Variants in GRIN1 observed in about 807,000 individuals in gnomAD.
GRIN1 encodes the protein glutamate ionotropic receptor NMDA type subunit 1.
A neutral mutation model predicts 103.0 loss-of-function variants in GRIN1; 38 were observed. That is an observed-to-expected ratio of 0.37 (90% confidence interval 0.28 to 0.48). The LOEUF (loss-of-function observed/expected upper bound fraction) is 0.48. Among genes scored for constraint, GRIN1 ranks in the 20% least tolerant of loss-of-function variants. The pLI is 0.98. For synonymous variants in GRIN1, 544 were observed against 532.7 expected, an observed-to-expected ratio of 1.02 and a Z score of -0.29; for missense variants, 577 against 1,288.9, an observed-to-expected ratio of 0.45 and a Z score of 8.46.
chr9:137,142,444 GCACACATCACACACTCACACATCACA>G (rs950724634), intron 2 of GRIN1, among the ~76,000 whole-genome samples: 2 of 152,148 alleles, frequency 1.3e-5, no homozygotes, highest in East Asian at 1.9e-4. Context: ...AAGGGAGGGG[GCACACATCACACACTCACACATCACA>G]CACACATCAC....
chr9:137,145,949 G>T, intron 3 of GRIN1, 47 bp downstream of exon 3: 1 of 1,400,932 alleles, frequency 7.1e-7, no homozygotes, highest in Non-Finnish European at 9.9e-7. Flanking sequence ...CCGAGGTGCA[G>T]GACGGGCCGC....
Position 137,161,524 on chromosome 9 carries a change from G to C in GRIN1, c.1467+108G>C, listed in dbSNP as rs1428072277. 4 of 1,082,062 alleles carry C rather than the reference G, an allele frequency of 3.7e-6. No individual in the cohort carries two copies. The African/African-American group carries it at 6.2e-5, about 17-fold the overall frequency. 67.0% of individuals were successfully genotyped at this position (1,082,062 alleles called of 1,614,324 possible). A position where few individuals can be genotyped will look rare whatever the true frequency, so the allele number is the denominator to read the frequency against. ...GGCTTGCAGATGGTGGGGGGTCCTG[G>C]GGTGAGTGGGGCATGGAGTGAGCGG... On this transcript the variant is annotated intron_variant, in intron 10 of 19. Coordinates refer to ENST00000371561, the MANE Select transcript of GRIN1 (RefSeq NM_007327.4).
intron 4 of GRIN1, among the ~76,000 whole-genome samples, chr9:137,155,627 T>G (rs868604778): frequency 2.0e-5 from 3 of 152,188 alleles, no homozygotes; most frequent in African/African-American, 7.2e-5. Flanking sequence ...CAGGCCCACC[T>G]GGAGACAGGT....
At chr9:137,158,139 C>T (rs1833339946) in intron 6 of GRIN1, among the ~76,000 whole-genome samples, 1 of 152,250 alleles carries the variant, frequency 6.6e-6, no homozygotes, top group Admixed American at 6.5e-5. Flanking sequence ...ACTCAGCTGT[C>T]ATGAACCACA....
intron 6 of GRIN1, among the ~76,000 whole-genome samples, chr9:137,157,343 T>TC (rs1193580658): frequency 2.6e-5 from 4 of 151,692 alleles, no homozygotes; most frequent in Admixed American, 6.6e-5. Context: ...TTCTCTCCTC[T>TC]CCCCCCACAC....
In GRIN1 at chr9:137,139,671, C is replaced by T; in HGVS notation, c.185C>T (p.Ala62Val). 6.2e-7 allele frequency: 1 copy of T among 1,613,740 alleles called. No individual in the cohort carries two copies. The highest frequency in any genetic ancestry group is 8.5e-7 in the Non-Finnish European group (1 of 1,179,786). ...RHGSWKIQLN[A>V]TSVTHKPNAI... ...GGCTCCTGGAAGATTCAGCTCAATG[C>T]CACCTCCGTCACGCACAAGCCCAAC... Residue 62 changes from alanine to valine, a missense_variant, in exon 1 of 20, where the codon GCC (alanine) becomes GTC (valine). This residue lies in a region of GRIN1 where 308 missense variants were observed against 553.6 expected (regional missense o/e 0.56). Transcript: ENST00000371561. This position sits in a 1 kb window ranked among gnomAD's most constrained non-coding sequence, Gnocchi z 7.7.
At position 137,156,563 on chromosome 9, in the gene GRIN1, A is replaced by C. The variant is rs28507734; in HGVS notation, c.672-106A>C. 436,709 of 1,480,286 alleles carry C rather than the reference A, an allele frequency of 0.3. 69,914 individuals are homozygous for C. The highest frequency in any genetic ancestry group is 0.33 in the Non-Finnish European group (358,903 of 1,095,530). The allele number at this position is 1,480,286 out of a possible 1,614,324, so 91.7% of individuals were successfully genotyped here. On this transcript the variant is annotated intron_variant, in intron 4 of 19. Transcript: ENST00000371561. ...TCTGCAGGCTTCGCTCTAGGAGGGG[A>C]TGGGGGCTGGGCAGGTCCCTGCTCC...
chr9:137,146,304 G>A lies in GRIN1; in HGVS notation c.570+402G>A, dbSNP rs116662485. Among the ~76,000 whole-genome samples, 848 of 134,730 alleles carry A rather than the reference G, an allele frequency of 6.3e-3. 7 individuals are homozygous for A. The highest frequency in any genetic ancestry group is 0.022 in the African/African-American group (808 of 36,472). 88.4% of individuals were successfully genotyped at this position (134,730 alleles called of 152,430 possible). On this transcript the variant is annotated intron_variant, in intron 3 of 19. Coordinates refer to ENST00000371561, the MANE Select transcript of GRIN1 (RefSeq NM_007327.4). This position sits in a 1 kb window ranked among gnomAD's most constrained non-coding sequence, Gnocchi z 6.7. ...TCTGGGCAAGGTCTCCCCTGTACAC[G>A]ACCCCCACATACCGCCCCTGCAGGC...
chr9:137,150,335 G>C (rs1414615925), intron 4 of GRIN1, among the ~76,000 whole-genome samples: 2 of 147,810 alleles, frequency 1.4e-5, no homozygotes, highest in African/African-American at 5.0e-5. Context: ...CAGAAAAAAA[G>C]ACCCGCCAAG....
At chr9:137,160,682 G>A (rs1000676809) in intron 8 of GRIN1, among the ~76,000 whole-genome samples, 2 of 152,154 alleles carry the variant, frequency 1.3e-5, no homozygotes, top group South Asian at 2.1e-4. Flanking sequence ...CGGCCGCCTC[G>A]GCCTCCCAAA....
At chr9:137,147,759 G>A (rs1033925024) in intron 3 of GRIN1, among the ~76,000 whole-genome samples, 3 of 152,204 alleles carry the variant, frequency 2.0e-5, no homozygotes, top group African/African-American at 7.2e-5. Flanking sequence ...GACAGGCCCC[G>A]GGGGGGCTGC....
chr9:137,139,457 C>A lies in GRIN1; in HGVS notation c.-30C>A. 6.8e-7 allele frequency: 1 copy of A among 1,478,610 alleles called. No homozygotes were observed. The highest frequency in any genetic ancestry group is 9.0e-7 in the Non-Finnish European group (1 of 1,115,500). The allele number at this position is 1,478,610 out of a possible 1,614,324, so 91.6% of individuals were successfully genotyped here. On this transcript the variant is annotated 5_prime_UTR_variant, in exon 1 of 20. Coordinates refer to ENST00000371561, the MANE Select transcript of GRIN1 (RefSeq NM_007327.4). The surrounding 1 kb of genome is among the most constrained non-coding windows in gnomAD (Gnocchi z 7.7). ...TGCGCCGAGGGCCCCGCGTTCGCGC[C>A]GCGCAGAGCCAGGCCCGCGGCCCGA...
chr9:137,154,122 CT>C (rs1237607274), intron 4 of GRIN1, among the ~76,000 whole-genome samples: 2 of 129,714 alleles, frequency 1.5e-5, no homozygotes, highest in Non-Finnish European at 3.3e-5. Context: ...TTTTTTTTTT[CT>C]TTTTTTTTTG....
chr9:137,149,012 G>A lies in GRIN1; in HGVS notation c.574G>A (p.Glu192Lys). 1 of 1,610,824 alleles carries A rather than the reference G, an allele frequency of 6.2e-7. No homozygotes were observed. The highest frequency in any genetic ancestry group is 8.5e-7 in the Non-Finnish European group (1 of 1,177,620). The change falls in exon 4 of 20, where the codon GAG becomes AAG. Residue 192 changes from glutamate (E) to lysine (K), a missense_variant. This residue lies in a region of GRIN1 where 308 missense variants were observed against 553.6 expected (regional missense o/e 0.56). Coordinates refer to ENST00000371561, the MANE Select transcript of GRIN1 (RefSeq NM_007327.4). ...AACACTCTTGCTCACACCGCAGGCA[G>A]AGAAGGTGCTGCAGTTTGACCCAGG... Reference protein sequence around the residue: ...TLLEERESKAEKVLQFDPGTK... With the variant: ...TLLEERESKAKKVLQFDPGTK...
chr9:137,149,966 A>C (rs1832747925), intron 4 of GRIN1, among the ~76,000 whole-genome samples: 1 of 152,180 alleles, frequency 6.6e-6, no homozygotes, highest in African/African-American at 2.4e-5. Flanking sequence ...TCTAGCACGG[A>C]GACAGATGCA....
Position 137,163,189 on chromosome 9 carries a change from G to A in GRIN1, c.2192G>A (p.Trp731Ter). The change falls in exon 16 of 20, where the codon TGG (tryptophan) becomes TAG (stop). Residue 731 changes from tryptophan to a stop codon, truncating the protein, a stop_gained. Transcript: ENST00000371561. LOFTEE classifies it high-confidence loss of function. ...VRDNKLHAFI[W>*]DSAVLEFEAS... The stretch of plus-strand genomic sequence containing the variant: ...GGCAGCAAGCTGCATGCCTTCATCT[G>A]GGACTCGGCGGTGCTGGAGTTCGAG... The A allele has an allele frequency of 6.2e-7, 1 of 1,613,448 alleles. No individual in the cohort carries two copies. Among genetic ancestry groups the A allele is most frequent in the Non-Finnish European group, 8.5e-7 (1 of 1,179,930 alleles).
chr9:137,153,601 A>G (rs1238051789), intron 4 of GRIN1, among the ~76,000 whole-genome samples: 1 of 152,194 alleles, frequency 6.6e-6, no homozygotes, highest in African/African-American at 2.4e-5. Context: ...ACAGGCACAC[A>G]CACCACCATA....
intron 4 of GRIN1, among the ~76,000 whole-genome samples, chr9:137,153,057 G>A (rs796459779): frequency 5.2e-5 from 7 of 135,276 alleles, no homozygotes; most frequent in Non-Finnish European, 6.3e-5. Context: ...ACACATACAC[G>A]TGCACACATG....
chr9:137,144,730 GT>G lies in GRIN1; in HGVS notation c.394-995del, dbSNP rs1564343725. Among the ~76,000 whole-genome samples the G allele has an allele frequency of 6.2e-4, 79 of 126,480 alleles. 1 individual carries two copies. Among genetic ancestry groups the G allele is most frequent in the African/African-American group, 1.1e-3 (33 of 29,232 alleles). 83.0% of individuals were successfully genotyped at this position (126,480 alleles called of 152,430 possible). A position where few individuals can be genotyped will look rare whatever the true frequency, so the allele number is the denominator to read the frequency against. On this transcript the variant is annotated intron_variant, in intron 2 of 19. Coordinates refer to ENST00000371561, the MANE Select transcript of GRIN1 (RefSeq NM_007327.4). The stretch of plus-strand genomic sequence containing the variant: ...CAGGGTCTAGAAAGTGTCCCCAGGG[GT>G]GTGGGGACAGGAGTGAGAGGAAGGG...
Sources: gnomAD v4.1 joint callset for allele counts (sites outside exome capture counted in the v4.1 genomes callset) on GRCh38, gnomAD v4.1.1 for gene constraint, gnomAD v4.1.1 regional missense constraint, Gnocchi (gnomAD v3.1) non-coding constraint, MANE v1.5 for transcripts, NCBI Gene and HGNC (gene_info 2026-07-23, HGNC 2026-07-21) for gene names.